SORCS3: variants seen among roughly 807,000 people sequenced by gnomAD.
The protein encoded by SORCS3 is VPS10 domain-containing receptor SorCS3.
In SORCS3, 57 loss-of-function variants were observed where a neutral mutation model predicts 146.3. The ratio of observed to expected loss-of-function variants is 0.39; its 90% CI spans 0.31 to 0.49. SORCS3 has a LOEUF of 0.49. SORCS3 is among the 20% of genes least tolerant of loss of function. The probability of loss-of-function intolerance (pLI) is 0.92; values close to 1 mark genes in which losing one functional copy is unlikely to be tolerated. For missense variants in SORCS3, 1,341 were observed against 1,575.5 expected, an observed-to-expected ratio of 0.85 and a Z score of 2.52; for synonymous variants, 653 against 618.5, an observed-to-expected ratio of 1.06 and a Z score of -0.83.
At chr10:104,995,438 T>G (rs10400180) in intron 4 of SORCS3, among the ~76,000 whole-genome samples, 48,599 of 152,048 alleles carry the variant, frequency 0.32, 10,471 homozygotes, top group African/African-American at 0.61. Flanking sequence ...GATTACAGGC[T>G]TGAGCCACCA....
At chr10:105,111,896 G>A (rs769594581) in intron 7 of SORCS3, among the ~76,000 whole-genome samples, 71 of 152,280 alleles carry the variant, frequency 4.7e-4, no homozygotes, top group Non-Finnish European at 4.7e-4. Context: ...GAGAAGGCCT[G>A]GGTAAAGTTA....
intron 7 of SORCS3, among the ~76,000 whole-genome samples, chr10:105,116,923 A>G (rs2055897599): frequency 6.6e-6 from 1 of 152,128 alleles, no homozygotes. Flanking sequence ...GCAGAAAACT[A>G]TCTATTAGGT....
intron 3 of SORCS3, among the ~76,000 whole-genome samples, chr10:104,967,751 C>T (rs529501874): frequency 4.6e-5 from 7 of 151,808 alleles, no homozygotes; most frequent in Admixed American, 1.3e-4. Context: ...CTCCACTGCC[C>T]GGGCTCAAGC....
chr10:104,845,208 T>G (rs988901156), intron 2 of SORCS3, among the ~76,000 whole-genome samples: 1 of 152,168 alleles, frequency 6.6e-6, no homozygotes, highest in African/African-American at 2.4e-5. Context: ...TGGCTACATT[T>G]TTTTTTCTTG....
At position 104,803,227 on chromosome 10, in the gene SORCS3, G is replaced by A. The variant is rs556362430; in HGVS notation, c.628-39565G>A. Among the ~76,000 whole-genome samples, 6 of 152,364 alleles carry A rather than the reference G, an allele frequency of 3.9e-5. No homozygotes were observed. In the East Asian group the frequency reaches 1.2e-3, roughly 29 times the overall value. ...GTCACTTCTAGCTACAAGGAAAGTA[G>A]AGAAGTCTGTAGCTGTATGGAGACT... On this transcript the variant is annotated intron_variant, in intron 1 of 26. Coordinates refer to ENST00000369701, the MANE Select transcript of SORCS3 (RefSeq NM_014978.3).
At chr10:104,729,834 C>T (rs1194959305) in intron 1 of SORCS3, among the ~76,000 whole-genome samples, 1 of 152,198 alleles carries the variant, frequency 6.6e-6, no homozygotes, top group Non-Finnish European at 1.5e-5. Context: ...AAAAGGCAGA[C>T]AGTGTGCTGT....
At chr10:105,176,836 G>A (rs866105852) in intron 13 of SORCS3, among the ~76,000 whole-genome samples, 5 of 151,202 alleles carry the variant, frequency 3.3e-5, no homozygotes, top group African/African-American at 9.7e-5. Context: ...GCCTGGCAAC[G>A]GAGTGAGACT....
intron 14 of SORCS3, among the ~76,000 whole-genome samples, chr10:105,188,049 TG>T (rs2056490544): frequency 6.6e-6 from 1 of 151,876 alleles, no homozygotes; most frequent in African/African-American, 2.4e-5. Flanking sequence ...GAAAAAAAAT[TG>T]GGGGAGATAG....
At chr10:104,773,454 T>A (rs2017274484) in intron 1 of SORCS3, among the ~76,000 whole-genome samples, 1 of 152,212 alleles carries the variant, frequency 6.6e-6, no homozygotes, top group African/African-American at 2.4e-5. Flanking sequence ...TTGGCCATGA[T>A]GAGAATATTT....
At chr10:105,214,104 T>C (rs10884119) in intron 17 of SORCS3, among the ~76,000 whole-genome samples, 66,076 of 151,998 alleles carry the variant, frequency 0.43, 14,665 homozygotes, top group South Asian at 0.54. Context: ...TCCCATTTCC[T>C]GAGTCCAATG....
At chr10:105,260,575 A>G (rs894685144) in intron 25 of SORCS3, among the ~76,000 whole-genome samples, 1 of 152,222 alleles carries the variant, frequency 6.6e-6, no homozygotes, top group Admixed American at 6.5e-5. Context: ...TAAAGACATG[A>G]AAACTGAATG....
rs2056979892 is a variant in SORCS3 at position 105,264,455 on chromosome 10, G to T, written c.*1081G>T. 1 of 152,254 alleles carries T rather than the reference G, an allele frequency of 6.6e-6. No individual in the cohort carries two copies. The highest frequency in any genetic ancestry group is 1.9e-4 in the East Asian group (1 of 5,190). 9.4% of individuals were successfully genotyped at this position (152,254 alleles called of 1,614,324 possible). A position where few individuals can be genotyped will look rare whatever the true frequency, so the allele number is the denominator to read the frequency against. ...ATGGTGAATTCTCAGGCTATTCTGA[G>T]CTCAGAAAAGTCCCCTGGGCACTAG... On this transcript the variant is annotated 3_prime_UTR_variant, in exon 27 of 27. Transcript: ENST00000369701.
chr10:105,208,880 A>G (rs1001924561), intron 16 of SORCS3, among the ~76,000 whole-genome samples: 2 of 152,184 alleles, frequency 1.3e-5, no homozygotes, highest in Non-Finnish European at 2.9e-5. Flanking sequence ...GTAGTTAATC[A>G]GAAGCCTTGA....
At chr10:104,643,372 A>G (rs1329441597) in intron 1 of SORCS3, among the ~76,000 whole-genome samples, 1 of 152,254 alleles carries the variant, frequency 6.6e-6, no homozygotes, top group Non-Finnish European at 1.5e-5. Context: ...AAGCAATACC[A>G]AAGTGCAGAT....
rs186537145 is a variant in SORCS3 at position 105,141,623 on chromosome 10, T to G, written c.1302+2137T>G. Among the ~76,000 whole-genome samples, 7 of 152,266 alleles carry G rather than the reference T, an allele frequency of 4.6e-5. No homozygotes were observed. In the East Asian group the frequency reaches 1.4e-3, roughly 29 times the overall value. On this transcript the variant is annotated intron_variant, in intron 8 of 26. Transcript: ENST00000369701. Reference sequence around the variant, plus strand: ...GGGGTACTCCATAGCTTTGTAGTGTTTGGCAGAGAATGAAATGAGTGCCAT... The same window carrying G: ...GGGGTACTCCATAGCTTTGTAGTGTGTGGCAGAGAATGAAATGAGTGCCAT...
At chr10:104,808,067 G>A (rs1452855610) in intron 1 of SORCS3, among the ~76,000 whole-genome samples, 2 of 152,216 alleles carry the variant, frequency 1.3e-5, no homozygotes, top group African/African-American at 4.8e-5. Context: ...CTGCCCTGGC[G>A]GGAAGACAGG....
intron 1 of SORCS3, 68 bp downstream of exon 1, chr10:104,642,022 G>GGGGGGGGGGGCGGCCCCCC: frequency 5.8e-6 from 1 of 173,336 alleles, no homozygotes; most frequent in Non-Finnish European, 1.1e-5. Context: ...GGGTGGGTGG[G>GGGGGGGGGGGCGGCCCCCC]AGCGAGGGAC....
At chr10:104,994,435 A>C (rs1203131655) in intron 4 of SORCS3, among the ~76,000 whole-genome samples, 1 of 152,218 alleles carries the variant, frequency 6.6e-6, no homozygotes, top group Admixed American at 6.5e-5. Context: ...TTTTTTAAAC[A>C]ACTTTATTGA....
chr10:105,147,893 C>T, intron 9 of SORCS3, 97 bp downstream of exon 9: 1 of 1,020,538 alleles, frequency 9.8e-7, no homozygotes, highest in Non-Finnish European at 1.4e-6. Flanking sequence ...GTTCAGATTC[C>T]AGCTGTACCA....
Sources: allele counts gnomAD v4.1 joint callset (sites outside exome capture counted in the v4.1 genomes callset), GRCh38; gene constraint gnomAD v4.1.1; transcripts MANE v1.5; gene names NCBI Gene and HGNC (gene_info 2026-07-23, HGNC 2026-07-21).